SHOC1: variants seen among roughly 807,000 people sequenced by gnomAD.
The protein encoded by SHOC1 is protein shortage in chiasmata 1 ortholog.
In SHOC1, 136 loss-of-function variants were observed where a neutral mutation model predicts 179.2. That is an observed-to-expected ratio of 0.76 (90% CI 0.66 to 0.87). The LOEUF (loss-of-function observed/expected upper bound fraction) is 0.87. Ranked by LOEUF, SHOC1 falls within the 40% of genes least tolerant of loss-of-function variation. The probability of loss-of-function intolerance (pLI) is 0.00; values close to 1 mark genes in which losing one functional copy is unlikely to be tolerated. For synonymous variants in SHOC1, 489 were observed against 586.6 expected (o/e 0.83, Z 2.41); for missense variants, 1,538 against 1,700.8 (o/e 0.90, Z 1.68).
At chr9:111,748,232 G>T in intron 8 of SHOC1, 33 bp from the exon 9 acceptor site, 1 of 1,429,240 alleles carries the variant, frequency 7.0e-7, no homozygotes, top group Non-Finnish European at 9.8e-7. Context: ...ATTAGCAAAT[G>T]TACCATTAAA....
Position 111,727,890 on chromosome 9 carries a change from T to C in SHOC1, c.1577A>G (p.Lys526Arg). The C allele has an allele frequency of 6.2e-7, 1 of 1,613,104 alleles. No homozygotes were observed. Among genetic ancestry groups the C allele is most frequent in the East Asian group, 2.2e-5 (1 of 44,768 alleles). ...DDYFSDKGAA[K>R]EEKPKNDQEP... The stretch of plus-strand genomic sequence containing the variant: ...TTGGTCATTCTTTGGTTTTTCTTCT[T>C]TTGCTGCTCCTTTATCAGAGAAATA... The change falls in exon 13 of 28, where the codon AAA becomes AGA. Residue 526 changes from lysine (K) to arginine (R), a missense_variant. By Grantham distance (26) the Lys-to-Arg change is conservative (BLOSUM62 2). Coordinates refer to ENST00000682961, the MANE Select transcript of SHOC1 (RefSeq NM_001378211.1).
At chr9:111,719,558 G>A (rs1051209000) in intron 15 of SHOC1, among the ~76,000 whole-genome samples, 1 of 152,166 alleles carries the variant, frequency 6.6e-6, no homozygotes, top group African/African-American at 2.4e-5. Context: ...GAAGACATGA[G>A]TTTTTATTTT....
intron 20 of SHOC1, among the ~76,000 whole-genome samples, chr9:111,705,644 C>G (rs1385053821): frequency 1.3e-5 from 2 of 151,836 alleles, no homozygotes; most frequent in East Asian, 3.8e-4. Context: ...CTTGCTTATA[C>G]TCACACATGT....
At chr9:111,722,714 G>T in intron 14 of SHOC1, 129 bp from the exon 15 acceptor site, 1 of 645,930 alleles carries the variant, frequency 1.5e-6, no homozygotes. Context: ...TAAAAATAAT[G>T]AGATTGTATA....
At chr9:111,745,034 C>T (rs12339927) in intron 10 of SHOC1, among the ~76,000 whole-genome samples, 4,781 of 152,252 alleles carry the variant, frequency 0.031, 109 homozygotes, top group Non-Finnish European at 0.047. Context: ...GTTTACGAAT[C>T]AAGCCTTGGT....
intron 12 of SHOC1, among the ~76,000 whole-genome samples, chr9:111,729,065 T>C (rs1382508608): frequency 6.6e-6 from 1 of 152,168 alleles, no homozygotes; most frequent in Non-Finnish European, 1.5e-5. Flanking sequence ...CTAATGATCA[T>C]CTGAGCCTTT....
At position 111,718,185 on chromosome 9, in the gene SHOC1, C is replaced by T; in HGVS notation, c.2235G>A (p.Leu745=). The change falls in exon 16 of 28, where the codon TTG becomes TTA. Residue 745 remains leucine (L), a splice_region_variant and synonymous_variant. Coordinates refer to ENST00000682961, the MANE Select transcript of SHOC1 (RefSeq NM_001378211.1). ...VLLTCSLDTA[L]GYLSKAKDIY... ...GGAAATAAAATATTCCCCACCAACC[C>T]AATGCTGTGTCCAAGCTGCATGTTA... The T allele has an allele frequency of 6.3e-7, 1 of 1,576,612 alleles. No individual in the cohort carries two copies. The highest frequency in any genetic ancestry group is 1.4e-5 in the African/African-American group (1 of 73,032).
At chr9:111,787,647 C>T (rs561089334) in intron 2 of SHOC1, among the ~76,000 whole-genome samples, 18 of 152,280 alleles carry the variant, frequency 1.2e-4, no homozygotes, top group African/African-American at 3.8e-4. Flanking sequence ...CTGGTGAAGA[C>T]ACTGTAAACA....
chr9:111,781,197 C>T, intron 3 of SHOC1, 180 bp from the exon 4 acceptor site: 1 of 575,906 alleles, frequency 1.7e-6, no homozygotes, highest in Non-Finnish European at 3.1e-6. Flanking sequence ...TCAACCTACC[C>T]CCGCCCCTCA....
intron 3 of SHOC1, among the ~76,000 whole-genome samples, chr9:111,782,595 CCGT>C (rs1484535216): frequency 2.6e-5 from 4 of 152,064 alleles, no homozygotes; most frequent in Non-Finnish European, 5.9e-5. Context: ...AATCACCCAG[CCGT>C]GCTAAAGGAA....
intron 4 of SHOC1, among the ~76,000 whole-genome samples, chr9:111,778,770 CAAAAAAAA>C (rs11295075): frequency 4.1e-5 from 3 of 73,996 alleles, no homozygotes; most frequent in East Asian, 3.9e-4. Flanking sequence ...GACTCTGTCT[CAAAAAAAA>C]AAAAAAAAAA....
intron 12 of SHOC1, among the ~76,000 whole-genome samples, chr9:111,729,391 G>T (rs79661873): frequency 0.19 from 29,417 of 152,146 alleles, 3,004 homozygotes; most frequent in Non-Finnish European, 0.22. Context: ...ACAGGTGAAA[G>T]CCACTGTGCC....
chr9:111,738,086 C>G (rs1441900592), intron 12 of SHOC1, 194 bp downstream of exon 12: 1 of 476,642 alleles, frequency 2.1e-6, no homozygotes, highest in Non-Finnish European at 3.6e-6. Flanking sequence ...TTAGGGTTAG[C>G]TAGTCAAACT....
At chr9:111,788,208 A>C (rs1264920269) in intron 2 of SHOC1, among the ~76,000 whole-genome samples, 1 of 144,086 alleles carries the variant, frequency 6.9e-6, no homozygotes. Flanking sequence ...ACTCCATCTC[A>C]AAAACACAAA....
chr9:111,726,695 T>C (rs1794668415), intron 13 of SHOC1, among the ~76,000 whole-genome samples: 1 of 152,188 alleles, frequency 6.6e-6, no homozygotes, highest in South Asian at 2.1e-4. Context: ...GACCTAACTG[T>C]CTCTAAGTCA....
At chr9:111,686,939 CTTTTTT>C (rs10537471) in intron 27 of SHOC1, 69 bp from the exon 28 acceptor site, 7 of 520,858 alleles carry the variant, frequency 1.3e-5, no homozygotes, top group South Asian at 2.5e-5. Context: ...TTTTCTTTTC[CTTTTTT>C]TTTTTTTTTT....
In SHOC1 at chr9:111,703,894, G is replaced by T; in HGVS notation, c.2954C>A (p.Ala985Asp). The change falls in exon 22 of 28, where the codon GCC becomes GAC. Residue 985 changes from alanine to aspartate, a missense_variant. Transcript: ENST00000682961. ...ACCTAGTTTTACCTGCAAAATTATG[G>T]CAGTGTGTTCATCAATTGTCACCAC... Reference protein sequence around the residue: ...YVVVTIDEHTAIILQDLEELN... With the variant: ...YVVVTIDEHTDIILQDLEELN... 1.9e-6 allele frequency: 3 copies of T among 1,587,728 alleles called. No homozygotes were observed. Among genetic ancestry groups the T allele is most frequent in the Non-Finnish European group, 1.7e-6 (2 of 1,160,444 alleles).
intron 3 of SHOC1, 44 bp from the exon 4 acceptor site, chr9:111,781,061 T>C (rs1392022610): frequency 1.5e-6 from 2 of 1,343,950 alleles, no homozygotes; most frequent in South Asian, 1.3e-5. Context: ...AATTTTCTTT[T>C]ACACTTAATT....
At position 111,769,018 on chromosome 9, in the gene SHOC1, GT is replaced by G. The variant is rs370788433; in HGVS notation, c.442+6772del. 9.2e-5 allele frequency among the ~76,000 whole-genome samples: 14 copies of G among 152,082 alleles called. No homozygotes were observed. In the East Asian group the frequency reaches 2.7e-3, roughly 29 times the overall value. On this transcript the variant is annotated intron_variant, in intron 5 of 27. Transcript: ENST00000682961. ...CAGCACCTATTGAAATAATCATACG[GT>G]TTTTATTCTTGATTCTTTGAATGTG...
Sources: gnomAD v4.1 joint callset for allele counts (sites outside exome capture counted in the v4.1 genomes callset) on GRCh38, gnomAD v4.1.1 for gene constraint, MANE v1.5 for transcripts, NCBI Gene and HGNC (gene_info 2026-07-23, HGNC 2026-07-21) for gene names.